The following AOPEP variants were observed in gnomAD, a reference collection of about 807,000 sequenced individuals.
AOPEP encodes the protein aminopeptidase O.
In AOPEP, 77 loss-of-function variants were observed where a neutral mutation model predicts 98.1. The ratio of observed to expected loss-of-function variants is 0.78; its 90% CI spans 0.65 to 0.95. The LOEUF (loss-of-function observed/expected upper bound fraction) is 0.95, where lower values mean the gene tolerates loss of function less well. Among genes scored for constraint, AOPEP ranks in the 40% least tolerant of loss-of-function variants. The probability of loss-of-function intolerance (pLI) is 0.00; values close to 1 mark genes in which losing one functional copy is unlikely to be tolerated. For missense variants in AOPEP, 1,024 were observed against 1,024.7 expected, an observed-to-expected ratio of 1.00 and a Z score of 0.01; for synonymous variants, 346 against 365.3, an observed-to-expected ratio of 0.95 and a Z score of 0.60.
intron 5 of AOPEP, among the ~76,000 whole-genome samples, chr9:94,819,403 G>T (rs1257662566): frequency 6.6e-6 from 1 of 152,172 alleles, no homozygotes; most frequent in Non-Finnish European, 1.5e-5. Context: ...CGGGGAGCCA[G>T]GGCAACTCCT....
intron 1 of AOPEP, among the ~76,000 whole-genome samples, chr9:94,745,345 G>A (rs1207551411): frequency 6.6e-6 from 1 of 150,956 alleles, no homozygotes; most frequent in African/African-American, 2.4e-5. Flanking sequence ...GGGTGATCTC[G>A]GCTCACTGCA....
chr9:94,744,720 A>G (rs1470723990), intron 1 of AOPEP, among the ~76,000 whole-genome samples: 3 of 151,570 alleles, frequency 2.0e-5, no homozygotes, highest in Admixed American at 2.0e-4. Flanking sequence ...AAAAAAAAAA[A>G]AAGAATAAAA....
chr9:94,806,372 A>G (rs1210940648), intron 5 of AOPEP, among the ~76,000 whole-genome samples: 1 of 152,154 alleles, frequency 6.6e-6, no homozygotes, highest in African/African-American at 2.4e-5. Flanking sequence ...GTTGTGTGGT[A>G]TAACTCTTCT....
intron 13 of AOPEP, among the ~76,000 whole-genome samples, chr9:95,050,638 T>A (rs185169059): frequency 6.6e-6 from 1 of 152,356 alleles, no homozygotes; most frequent in East Asian, 1.9e-4. Context: ...TCCCCCCTGC[T>A]CCTTAGTTGT....
chr9:94,865,404 T>A (rs2045596385), intron 5 of AOPEP, among the ~76,000 whole-genome samples: 1 of 152,238 alleles, frequency 6.6e-6, no homozygotes, highest in East Asian at 1.9e-4. Flanking sequence ...ACAGCTTTTA[T>A]TTAATAACCA....
chr9:94,736,708 A>G (rs1355695335), intron 1 of AOPEP, among the ~76,000 whole-genome samples: 1 of 152,228 alleles, frequency 6.6e-6, no homozygotes, highest in Admixed American at 6.5e-5. Flanking sequence ...TAATTGAATG[A>G]TATCCATAAA....
intron 5 of AOPEP, among the ~76,000 whole-genome samples, chr9:94,915,019 T>C (rs1276288721): frequency 6.6e-6 from 1 of 152,268 alleles, no homozygotes; most frequent in Non-Finnish European, 1.5e-5. Flanking sequence ...CCGGTGCTTC[T>C]GATACCCGCT....
chr9:94,907,995 C>G (rs1362465316), intron 5 of AOPEP, among the ~76,000 whole-genome samples: 1 of 152,042 alleles, frequency 6.6e-6, no homozygotes, highest in Admixed American at 6.5e-5. Flanking sequence ...CTCACTTTTC[C>G]TGAGAGGGGA....
intron 13 of AOPEP, among the ~76,000 whole-genome samples, chr9:95,032,862 A>G: frequency 6.6e-6 from 1 of 152,158 alleles, no homozygotes; most frequent in East Asian, 1.9e-4. Flanking sequence ...AGAGCCCCAG[A>G]GCTCTTTTCT....
chr9:94,918,705 G>A (rs901920247), intron 5 of AOPEP, among the ~76,000 whole-genome samples: 4 of 152,174 alleles, frequency 2.6e-5, no homozygotes, highest in African/African-American at 9.7e-5. Context: ...AGGTTGTGGG[G>A]TAGAGCAATG....
chr9:95,082,522 T>G, intron 15 of AOPEP, 53 bp from the exon 16 acceptor site: 1 of 1,586,674 alleles, frequency 6.3e-7, no homozygotes, highest in South Asian at 1.1e-5. Flanking sequence ...TGTGTGCGTG[T>G]GTGTGGGTAC....
chr9:95,022,708 G>A (rs1044837930), intron 13 of AOPEP, among the ~76,000 whole-genome samples: 1 of 151,962 alleles, frequency 6.6e-6, no homozygotes, highest in Non-Finnish European at 1.5e-5. Flanking sequence ...TCAAAATAAA[G>A]CAGCTGTTTT....
intron 3 of AOPEP, among the ~76,000 whole-genome samples, chr9:94,792,135 T>G (rs1204544810): frequency 6.6e-6 from 1 of 152,180 alleles, no homozygotes; most frequent in African/African-American, 2.4e-5. Flanking sequence ...CCGTTAAACC[T>G]CTACACGTGC....
At chr9:95,135,568 A>T in the AOPEP span, 2 of 1,437,308 alleles carry the variant, frequency 1.4e-6, no homozygotes, top group Non-Finnish European at 1.9e-6. Context: ...GATTAAAAAA[A>T]GTTCAAAATG....
At chr9:95,138,717 T>C in the AOPEP span, among the ~76,000 whole-genome samples, 2 of 152,182 alleles carry the variant, frequency 1.3e-5, no homozygotes, top group African/African-American at 4.8e-5. Flanking sequence ...TGCCAGGTGG[T>C]GGTGGGGAAG....
intron 7 of AOPEP, among the ~76,000 whole-genome samples, chr9:94,946,221 A>C (rs2057607981): frequency 6.6e-6 from 1 of 152,264 alleles, no homozygotes; most frequent in Non-Finnish European, 1.5e-5. Flanking sequence ...TAGCAAGGCC[A>C]AAGCTATGTA....
chr9:95,041,130 A>C (rs910246294), intron 13 of AOPEP, among the ~76,000 whole-genome samples: 1 of 151,818 alleles, frequency 6.6e-6, no homozygotes, highest in Non-Finnish European at 1.5e-5. Flanking sequence ...ACGTTTTACC[A>C]GTTCTTTTTA....
rs955448620 is a variant in AOPEP, at chr9:94,980,429, C to A, written c.1977+1002C>A. Among the ~76,000 whole-genome samples, 2 of 152,246 alleles carry A rather than the reference C, an allele frequency of 1.3e-5. No individual in the cohort carries two copies. Among genetic ancestry groups the A allele is most frequent in the African/African-American group, 4.8e-5 (2 of 41,476 alleles). ...CTGGTTTCATGGCTGGTTACATGAG[C>A]TTCCCCTTAGGAGGGTCTCAATGTC... On this transcript the variant is annotated intron_variant, in intron 11 of 16. Coordinates refer to ENST00000375315, the MANE Select transcript of AOPEP (RefSeq NM_001193329.3). This position sits in a 1 kb window ranked among gnomAD's most constrained non-coding sequence, Gnocchi z 4.3.
chr9:94,867,989 C>T (rs16911750), intron 5 of AOPEP, among the ~76,000 whole-genome samples: 1,740 of 152,266 alleles, frequency 0.011, 112 homozygotes, highest in Admixed American at 0.1. Flanking sequence ...TTTTCTCAAC[C>T]CATGCTCCCC....
Sources: gnomAD v4.1 joint callset for allele counts (sites outside exome capture counted in the v4.1 genomes callset) on GRCh38, gnomAD v4.1.1 for gene constraint, Gnocchi (gnomAD v3.1) non-coding constraint, MANE v1.5 for transcripts, NCBI Gene and HGNC (gene_info 2026-07-23, HGNC 2026-07-21) for gene names.